PLB1: variants seen among roughly 807,000 people sequenced by gnomAD.
The protein encoded by PLB1 is phospholipase B1, also known as phospholipase B1, membrane-associated.
PLB1 carries 242 observed loss-of-function variants against 227.4 expected under a neutral mutation model. The ratio of observed to expected loss-of-function variants is 1.06; its 90% CI spans 0.96 to 1.18. The LOEUF (loss-of-function observed/expected upper bound fraction) is 1.18, where lower values mean the gene tolerates loss of function less well. PLB1 is among the 50% of genes most tolerant of loss of function. The pLI, the probability that PLB1 is intolerant of heterozygous loss-of-function variation, is 0.00. For missense variants in PLB1, 1,858 were observed against 1,816.3 expected, an observed-to-expected ratio of 1.02 and a Z score of -0.42; for synonymous variants, 757 against 682.2, an observed-to-expected ratio of 1.11 and a Z score of -1.71.
At chr2:28,543,110 G>T in intron 13 of PLB1, 102 bp from the exon 14 acceptor site, 1 of 1,273,858 alleles carries the variant, frequency 7.9e-7, no homozygotes, top group Non-Finnish European at 1.1e-6. Flanking sequence ...GGACAGATCA[G>T]GCTGCCCCAA....
chr2:28,628,420 G>C, intron 51 of PLB1, 143 bp from the exon 52 acceptor site: 1 of 675,538 alleles, frequency 1.5e-6, no homozygotes, highest in East Asian at 2.6e-5. Context: ...ACAAGAACTG[G>C]GCTTCTCAGT....
rs1684608858 is a variant in PLB1 at position 28,605,913 on chromosome 2, C to T, written c.3022C>T (p.His1008Tyr). ...PDCIHPNQKF[H>Y]SQLARALWTN... ...CTGCATCCACCCAAATCAGAAATTC[C>T]ACTCCCAGCTGGCCAGAGCCCTTTG... The change falls in exon 42 of 58, where the codon CAC (histidine) becomes TAC (tyrosine). Residue 1008 changes from histidine to tyrosine, a missense_variant. His to Tyr is a moderately conservative substitution (Grantham distance 83). Transcript: ENST00000327757. The T allele has an allele frequency of 6.2e-7, 1 of 1,613,728 alleles. No homozygotes were observed. The highest frequency in any genetic ancestry group is 8.5e-7 in the Non-Finnish European group (1 of 1,179,704).
At chr2:28,630,006 T>G (rs1688372948) in intron 53 of PLB1, among the ~76,000 whole-genome samples, 1 of 152,158 alleles carries the variant, frequency 6.6e-6, no homozygotes, top group Non-Finnish European at 1.5e-5. Context: ...CCCTGCTCTC[T>G]CGCAGGGAAC....
intron 18 of PLB1, among the ~76,000 whole-genome samples, chr2:28,564,033 G>C (rs1676458913): frequency 6.6e-6 from 1 of 151,956 alleles, no homozygotes; most frequent in African/African-American, 2.4e-5. Flanking sequence ...TGAGGCCAGG[G>C]GGTCAAGGTG....
intron 22 of PLB1, among the ~76,000 whole-genome samples, chr2:28,578,414 A>G (rs1679357503): frequency 6.6e-6 from 1 of 152,184 alleles, no homozygotes; most frequent in African/African-American, 2.4e-5. Context: ...GTCCTCAAGG[A>G]GCTTGGAAGC....
chr2:28,595,167 G>A (rs955778997), intron 33 of PLB1: 1 of 152,188 alleles, frequency 6.6e-6, no homozygotes, highest in African/African-American at 2.4e-5. Flanking sequence ...CTGCAGCGAT[G>A]GGAAAATTCA....
chr2:28,535,913 C>A (rs1278417348), intron 9 of PLB1, among the ~76,000 whole-genome samples: 1 of 152,106 alleles, frequency 6.6e-6, no homozygotes, highest in Non-Finnish European at 1.5e-5. Context: ...GAGTGAGACT[C>A]TGTCTTTAAA....
rs1022526978 is a variant in PLB1 at position 28,589,499 on chromosome 2, A to C, written c.1865A>C (p.Asp622Ala). The change falls in exon 27 of 58, where the codon GAT becomes GCT. Residue 622 changes from aspartate to alanine, a missense_variant. Asp to Ala is a moderately radical substitution (Grantham distance 126). Transcript: ENST00000327757. Reference sequence around the variant, plus strand: ...AGTGGGCGATATGACACAAGGGAAGATTTTACTGTGGTTGTGCAGCCGTTC... The same window carrying C: ...AGTGGGCGATATGACACAAGGGAAGCTTTTACTGTGGTTGTGCAGCCGTTC... ...IESGRYDTRE[D>A]FTVVVQPFFE... 1.2e-6 allele frequency: 2 copies of C among 1,614,074 alleles called. No homozygotes were observed. Among genetic ancestry groups the C allele is most frequent in the Non-Finnish European group, 1.7e-6 (2 of 1,180,040 alleles).
chr2:28,552,652 G>A (rs954959897), intron 16 of PLB1, among the ~76,000 whole-genome samples: 2 of 152,184 alleles, frequency 1.3e-5, no homozygotes, highest in African/African-American at 4.8e-5. Context: ...AGACGGCCAT[G>A]ATGCTGGTGA....
At chr2:28,521,208 C>G (rs1669490453) in intron 4 of PLB1, among the ~76,000 whole-genome samples, 1 of 152,196 alleles carries the variant, frequency 6.6e-6, no homozygotes, top group Non-Finnish European at 1.5e-5. Flanking sequence ...CACCTCTTGG[C>G]TGTTGCAAAC....
chr2:28,591,895 ACC>A (rs1394785393), intron 31 of PLB1, 135 bp downstream of exon 31: 6 of 858,260 alleles, frequency 7.0e-6, no homozygotes, highest in Non-Finnish European at 1.1e-5. Flanking sequence ...CTGGGTGGTC[ACC>A]TGGGATGAGT....
chr2:28,601,405 G>A, intron 37 of PLB1, 73 bp downstream of exon 37: 3 of 1,303,732 alleles, frequency 2.3e-6, no homozygotes, highest in Non-Finnish European at 3.3e-6. Context: ...TCTTCCCTGA[G>A]AACAGTTCCT....
At position 28,538,303 on chromosome 2, in the gene PLB1, G is replaced by A. The variant is rs754510099; in HGVS notation, c.556-16G>A. 17 of 1,613,948 alleles carry A rather than the reference G, an allele frequency of 1.1e-5. No homozygotes were observed. Among genetic ancestry groups the A allele is most frequent in the South Asian group, 2.2e-5 (2 of 91,084 alleles). On this transcript the variant is annotated splice_polypyrimidine_tract_variant and intron_variant, in intron 9 of 57. Coordinates refer to ENST00000327757, the MANE Select transcript of PLB1 (RefSeq NM_153021.5). The stretch of plus-strand genomic sequence containing the variant: ...TCCTGCAGGCACCCTCACTTAGCAC[G>A]GTTCTCCTCTCACAGAATGGGCTTG...
chr2:28,628,712 C>T, intron 52 of PLB1, 84 bp downstream of exon 52: 1 of 1,360,610 alleles, frequency 7.3e-7, no homozygotes, highest in Non-Finnish European at 1.0e-6. Flanking sequence ...GTGAGATGCT[C>T]ACGGAGCAGA....
chr2:28,613,183 C>T lies in PLB1; in HGVS notation c.3130-848C>T, dbSNP rs566500752. Among the ~76,000 whole-genome samples the T allele has an allele frequency of 2.6e-5, 4 of 152,318 alleles. No homozygotes were observed. The South Asian group carries it at 6.2e-4, about 24-fold the overall frequency. The stretch of plus-strand genomic sequence containing the variant: ...CAAGCAATCCTCCTACCCTGGCCTC[C>T]CAAAACGCTGGGAATACAGGCATGG... On this transcript the variant is annotated intron_variant, in intron 43 of 57. Transcript: ENST00000327757.
chr2:28,567,021 T>TA (rs766886928), intron 20 of PLB1, among the ~76,000 whole-genome samples, 182 bp downstream of exon 20: 51 of 137,964 alleles, frequency 3.7e-4, no homozygotes, highest in Non-Finnish European at 6.9e-4. Flanking sequence ...ACGAAAGCCT[T>TA]AGAGTTGGGG....
Position 28,604,669 on chromosome 2 carries a change from G to A in PLB1, c.2871G>A (p.Glu957=), listed in dbSNP as rs1377893010. 1 of 1,614,122 alleles carries A rather than the reference G, an allele frequency of 6.2e-7. No individual in the cohort carries two copies. Among genetic ancestry groups the A allele is most frequent in the Non-Finnish European group, 8.5e-7 (1 of 1,179,976 alleles). ...TGTGTCCCCAGAGCAGCATGCGCGA[G>A]CTGGTGGGGTCAGGCCGCTATGACA... ...FSRAYRSSMR[E]LVGSGRYDTQ... is the part of the protein sequence containing the mutation. Residue 957 remains glutamate (E), a synonymous_variant, in exon 41 of 58, where the codon GAG becomes GAA. Transcript: ENST00000327757.
Position 28,604,735 on chromosome 2 carries a change from G to C in PLB1, c.2937G>C (p.Gln979His), listed in dbSNP as rs1391861935. 3.1e-6 allele frequency: 5 copies of C among 1,614,190 alleles called. No homozygotes were observed. The highest frequency in any genetic ancestry group is 3.4e-6 in the Non-Finnish European group (4 of 1,179,998). The change falls in exon 41 of 58, where the codon CAG (glutamine) becomes CAC (histidine). Residue 979 changes from glutamine (Q) to histidine (H), a missense_variant. Transcript: ENST00000327757. ...CTGTGGTGCTGCAGCCCTTCTTCCA[G>C]AACATCCAGCTCCCTGTCCTGGCGG... ...DFSVVLQPFF[Q>H]NIQLPVLADG... is the part of the protein sequence containing the mutation.
chr2:28,505,201 C>G (rs573934396), intron 1 of PLB1, among the ~76,000 whole-genome samples: 1 of 152,314 alleles, frequency 6.6e-6, no homozygotes, highest in Admixed American at 6.5e-5. Flanking sequence ...AATCATCCAG[C>G]TAATTAGTAC....
Sources: gnomAD v4.1 joint callset for allele counts (sites outside exome capture counted in the v4.1 genomes callset) on GRCh38, gnomAD v4.1.1 for gene constraint, MANE v1.5 for transcripts, NCBI Gene and HGNC (gene_info 2026-07-23, HGNC 2026-07-21) for gene names.